Variants in TMEM177 observed in about 807,000 individuals in gnomAD.
TMEM177 encodes the protein transmembrane protein 177.
TMEM177 carries 4 observed loss-of-function variants against 14.2 expected under a neutral mutation model. That is an observed-to-expected ratio of 0.28 (90% CI 0.14 to 0.64). The LOEUF (loss-of-function observed/expected upper bound fraction) is 0.64, where lower values mean the gene tolerates loss of function less well. Among genes scored for constraint, TMEM177 ranks in the 30% least tolerant of loss-of-function variants. The probability of loss-of-function intolerance (pLI) is 0.82; values close to 1 mark genes in which losing one functional copy is unlikely to be tolerated. For missense variants in TMEM177, 344 were observed against 405.2 expected (o/e 0.85, Z 1.30); for synonymous variants, 179 against 174.5 (o/e 1.03, Z -0.20).
downstream of TMEM177, among the ~76,000 whole-genome samples, chr2:119,689,187 G>A (rs1689060308): frequency 6.6e-6 from 1 of 152,148 alleles, no homozygotes; most frequent in Non-Finnish European, 1.5e-5. Context: ...CTGTCTTTGT[G>A]TCTGGTTCTC....
At chr2:119,701,495 C>T in the TMEM177 span, among the ~76,000 whole-genome samples, 1 of 152,024 alleles carries the variant, frequency 6.6e-6, no homozygotes, top group Admixed American at 6.6e-5. Context: ...GTCGGGGGAG[C>T]CCAGTTGGGG....
chr2:119,683,834 C>T (rs10174220), downstream of TMEM177, among the ~76,000 whole-genome samples: 148,387 of 152,062 alleles, frequency 0.98, 72,497 homozygotes, highest in East Asian at 1. Flanking sequence ...CTCCACAGCC[C>T]GGCTCAGGCC....
At chr2:119,680,692 G>C in intron 1 of TMEM177, 140 bp from the exon 2 acceptor site, 1 of 656,394 alleles carries the variant, frequency 1.5e-6, no homozygotes. Flanking sequence ...TTTGAACACA[G>C]GCACTCTGGC....
At chr2:119,703,561 A>G in the TMEM177 span, among the ~76,000 whole-genome samples, 1 of 152,240 alleles carries the variant, frequency 6.6e-6, no homozygotes, top group African/African-American at 2.4e-5. Flanking sequence ...AGGGATATTT[A>G]ATGACATGGG....
At chr2:119,717,255 G>A in the TMEM177 span, among the ~76,000 whole-genome samples, 4 of 151,944 alleles carry the variant, frequency 2.6e-5, no homozygotes, top group Admixed American at 1.3e-4. Context: ...GCTTGAACTC[G>A]GGAGGCAGAG....
the TMEM177 span, among the ~76,000 whole-genome samples, chr2:119,695,478 C>A: frequency 1.4e-4 from 22 of 152,250 alleles, no homozygotes; most frequent in East Asian, 4.1e-3. Context: ...CTTCTTGCAT[C>A]CTGGGCACCT....
chr2:119,718,088 C>T, the TMEM177 span, among the ~76,000 whole-genome samples: 2 of 152,126 alleles, frequency 1.3e-5, no homozygotes, highest in Non-Finnish European at 2.9e-5. Flanking sequence ...GCTGAAATTG[C>T]AGGCAGGAAT....
At chr2:119,704,466 C>G in the TMEM177 span, among the ~76,000 whole-genome samples, 1 of 152,166 alleles carries the variant, frequency 6.6e-6, no homozygotes, top group African/African-American at 2.4e-5. Context: ...GGCGTGGTAG[C>G]GCATGGCTGT....
downstream of TMEM177, among the ~76,000 whole-genome samples, chr2:119,687,917 A>G (rs1002249072): frequency 6.6e-6 from 1 of 152,348 alleles, no homozygotes; most frequent in East Asian, 1.9e-4. Context: ...GCAAAACTTG[A>G]TACAATCATA....
the TMEM177 span, among the ~76,000 whole-genome samples, chr2:119,723,119 A>G: frequency 6.6e-6 from 1 of 152,176 alleles, no homozygotes; most frequent in Non-Finnish European, 1.5e-5. Context: ...GCTATAAGCC[A>G]TCTTTGTGGA....
the TMEM177 span, among the ~76,000 whole-genome samples, chr2:119,692,539 C>T: frequency 2.0e-5 from 3 of 152,362 alleles, no homozygotes; most frequent in Admixed American, 2.0e-4. Context: ...TTTGGTGCCT[C>T]ACCTGAGGTG....
Position 119,681,803 on chromosome 2 carries a change from A to G in TMEM177, c.*14A>G. The G allele has an allele frequency of 6.2e-7, 1 of 1,604,750 alleles. No homozygotes were observed. The highest frequency in any genetic ancestry group is 8.5e-7 in the Non-Finnish European group (1 of 1,174,238). Reference sequence around the variant, plus strand: ...GGCCGCTCCTGATGGGCTCATCACAAGGACACTTCCAGCTTGTGCAGACAC... The same window carrying G: ...GGCCGCTCCTGATGGGCTCATCACAGGGACACTTCCAGCTTGTGCAGACAC... On this transcript the variant is annotated 3_prime_UTR_variant, in exon 2 of 2. Coordinates refer to ENST00000272521, the MANE Select transcript of TMEM177 (RefSeq NM_030577.3).
At chr2:119,689,330 AAC>A (rs1558691687), downstream of TMEM177, among the ~76,000 whole-genome samples, 1 of 152,170 alleles carries the variant, frequency 6.6e-6, no homozygotes, top group Non-Finnish European at 1.5e-5. Flanking sequence ...CTGCAGTGAC[AAC>A]ACGTGAGTTC....
At chr2:119,687,619 G>T (rs777351238), downstream of TMEM177, among the ~76,000 whole-genome samples, 1 of 152,082 alleles carries the variant, frequency 6.6e-6, no homozygotes, top group East Asian at 1.9e-4. Context: ...CTCCTACCAG[G>T]TCCCTCCCGT....
chr2:119,684,702 C>G (rs1688982655), downstream of TMEM177, among the ~76,000 whole-genome samples: 1 of 152,230 alleles, frequency 6.6e-6, no homozygotes, highest in Non-Finnish European at 1.5e-5. Flanking sequence ...CCGACCCTGT[C>G]CTGTTTCCCA....
chr2:119,681,506 T>C lies in TMEM177; in HGVS notation c.653T>C (p.Phe218Ser). The change falls in exon 2 of 2, where the codon TTC becomes TCC. Residue 218 changes from phenylalanine (F) to serine (S), a missense_variant. Phe to Ser is a radical substitution (Grantham distance 155). Transcript: ENST00000272521. ...GTGGCAGGCTTTGTGGCCTACGCCT[T>C]CTCCCAGGATTCTCTCACTCATGCC... Reference protein sequence around the residue: ...AAVAGFVAYAFSQDSLTHAVE... With the variant: ...AAVAGFVAYASSQDSLTHAVE... 6.2e-7 allele frequency: 1 copy of C among 1,613,904 alleles called. No individual in the cohort carries two copies. Among genetic ancestry groups the C allele is most frequent in the Non-Finnish European group, 8.5e-7 (1 of 1,180,040 alleles).
the TMEM177 span, among the ~76,000 whole-genome samples, chr2:119,712,241 G>A: frequency 2.6e-5 from 4 of 151,932 alleles, no homozygotes; most frequent in South Asian, 2.1e-4. Flanking sequence ...TGTCAATTCT[G>A]TACTCTCTCC....
chr2:119,693,013 C>T, the TMEM177 span, among the ~76,000 whole-genome samples: 1 of 151,484 alleles, frequency 6.6e-6, no homozygotes, highest in African/African-American at 2.4e-5. Flanking sequence ...GGATTTGTCC[C>T]CAGGTCCCTG....
At chr2:119,712,128 G>A in the TMEM177 span, among the ~76,000 whole-genome samples, 504 of 152,036 alleles carry the variant, frequency 3.3e-3, 4 homozygotes, top group Non-Finnish European at 4.2e-3. Flanking sequence ...ACCCCTTGAT[G>A]CGGCTTCCTA....
Sources: gnomAD v4.1 joint callset for allele counts (sites outside exome capture counted in the v4.1 genomes callset) on GRCh38, gnomAD v4.1.1 for gene constraint, MANE v1.5 for transcripts, NCBI Gene and HGNC (gene_info 2026-07-23, HGNC 2026-07-21) for gene names.